Variants in TMEM59 observed in about 807,000 individuals in gnomAD.
TMEM59 encodes the protein dendritic cell factor 1.
A neutral mutation model predicts 42.2 loss-of-function variants in TMEM59; 44 were observed. That is an observed-to-expected ratio of 1.04 (90% CI 0.82 to 1.34). The LOEUF (loss-of-function observed/expected upper bound fraction) is 1.34. Ranked by LOEUF, TMEM59 falls within the 40% of genes most tolerant of loss-of-function variation. TMEM59 has a pLI of 0.00. For missense variants in TMEM59, 359 were observed against 382.8 expected (o/e 0.94, Z 0.52); for synonymous variants, 148 against 145.8 (o/e 1.02, Z -0.11).
At chr1:54,053,391 T>A (rs998787127), upstream of TMEM59, 1 of 617,836 alleles carries the variant, frequency 1.6e-6, no homozygotes, top group East Asian at 2.8e-5. Flanking sequence ...TAGGCTGGCG[T>A]GAGGAGGGGA....
At chr1:54,042,862 CAATA>C (rs1657188016) in intron 4 of TMEM59, among the ~76,000 whole-genome samples, 1 of 152,096 alleles carries the variant, frequency 6.6e-6, no homozygotes, top group South Asian at 2.1e-4. Flanking sequence ...ATATCTAGCA[CAATA>C]TAACCTCCAG....
At chr1:54,046,415 C>T (rs1355927221) in intron 2 of TMEM59, among the ~76,000 whole-genome samples, 3 of 152,092 alleles carry the variant, frequency 2.0e-5, no homozygotes, top group Non-Finnish European at 2.9e-5. Context: ...GGGTCTCTAC[C>T]AGATATACTC....
chr1:54,043,293 TC>T (rs1420485723), intron 4 of TMEM59, 79 bp downstream of exon 4: 12 of 1,205,022 alleles, frequency 1.0e-5, no homozygotes, highest in African/African-American at 1.6e-5. Flanking sequence ...TGAGTATGGT[TC>T]TATGCTGAAA....
Position 54,029,979 on chromosome 1 carries a change from T to C in TMEM59, c.*2171A>G, listed in dbSNP as rs1437248505. 1.3e-5 allele frequency: 2 copies of C among 152,130 alleles called. No homozygotes were observed. Among genetic ancestry groups the C allele is most frequent in the Non-Finnish European group, 2.9e-5 (2 of 68,032 alleles). 9.4% of individuals were successfully genotyped at this position (152,130 alleles called of 1,614,324 possible). A position where few individuals can be genotyped will look rare whatever the true frequency, so the allele number is the denominator to read the frequency against. On this transcript the variant is annotated 3_prime_UTR_variant, in exon 8 of 8. Transcript: ENST00000234831. ...TAAATATCAAGAATGTCTTGGTATT[T>C]TCACATATAAGGAATTCTCTCAACA... is the stretch of plus-strand genomic sequence containing the variant.
chr1:54,032,922 CTCTTT>C (rs1422174366), intron 7 of TMEM59, among the ~76,000 whole-genome samples: 20 of 149,860 alleles, frequency 1.3e-4, no homozygotes, highest in Non-Finnish European at 2.7e-4. Context: ...ATGTCTCTGT[CTCTTT>C]TTTTTTTTTT....
At chr1:54,033,137 T>A (rs1434949707) in intron 7 of TMEM59, 1 of 151,954 alleles carries the variant, frequency 6.6e-6, no homozygotes, top group East Asian at 1.9e-4. Flanking sequence ...TTTCTTTTTT[T>A]TTTTTAAATG....
chr1:54,051,917 C>T (rs924840485), intron 1 of TMEM59, among the ~76,000 whole-genome samples: 1 of 152,108 alleles, frequency 6.6e-6, no homozygotes, highest in Non-Finnish European at 1.5e-5. Flanking sequence ...AGTGCCGGCA[C>T]TTAGAACTTT....
intron 6 of TMEM59, among the ~76,000 whole-genome samples, chr1:54,038,227 C>T (rs1012596319): frequency 6.6e-6 from 1 of 152,154 alleles, no homozygotes; most frequent in Non-Finnish European, 1.5e-5. Context: ...ACCCTATACA[C>T]ATTGAGCAGG....
intron 1 of TMEM59, among the ~76,000 whole-genome samples, chr1:54,051,490 G>C (rs1409696818): frequency 6.6e-6 from 1 of 152,162 alleles, no homozygotes; most frequent in Non-Finnish European, 1.5e-5. Context: ...CCAATTGTTA[G>C]AAAATAGTGG....
chr1:54,051,437 A>T (rs1294821008), intron 1 of TMEM59, among the ~76,000 whole-genome samples: 1 of 152,226 alleles, frequency 6.6e-6, no homozygotes, highest in Non-Finnish European at 1.5e-5. Flanking sequence ...TCTTTGTGAG[A>T]AAAGCTTTAA....
intron 1 of TMEM59, 52 bp downstream of exon 1, chr1:54,052,948 C>G: frequency 1.3e-6 from 2 of 1,561,112 alleles, no homozygotes; most frequent in Middle Eastern, 1.7e-4. Context: ...TGTGGGGAGC[C>G]GAGAAATGGG....
chr1:54,040,714 C>T, intron 6 of TMEM59, 42 bp downstream of exon 6: 1 of 1,459,566 alleles, frequency 6.9e-7, no homozygotes, highest in African/African-American at 1.4e-5. Context: ...TGATACAAGC[C>T]AGATTTTATC....
intron 4 of TMEM59, 137 bp from the exon 5 acceptor site, chr1:54,041,942 A>G (rs904978015): frequency 8.7e-6 from 5 of 572,246 alleles, no homozygotes; most frequent in Non-Finnish European, 1.5e-5. Context: ...AATAAAACAC[A>G]TTAACCACAA....
chr1:54,041,098 T>C (rs1657123400), intron 5 of TMEM59, among the ~76,000 whole-genome samples: 1 of 152,218 alleles, frequency 6.6e-6, no homozygotes, highest in Non-Finnish European at 1.5e-5. Flanking sequence ...TTGGATTTGG[T>C]TTATTCTAAT....
Position 54,030,808 on chromosome 1 carries a change from G to A in TMEM59, c.*1342C>T, listed in dbSNP as rs143849834. 1 of 152,238 alleles carries A rather than the reference G, an allele frequency of 6.6e-6. No homozygotes were observed. The highest frequency in any genetic ancestry group is 2.4e-5 in the African/African-American group (1 of 41,552). The allele number at this position is 152,238 out of a possible 1,614,324, so 9.4% of individuals were successfully genotyped here. On this transcript the variant is annotated 3_prime_UTR_variant, in exon 8 of 8. Coordinates refer to ENST00000234831, the MANE Select transcript of TMEM59 (RefSeq NM_004872.5). ...CTGCTTTTCATTTGGACTCAGGAAG[G>A]CTAAAGACTAGGCCATAGGAGGAGT...
At chr1:54,046,977 T>C (rs892992584) in intron 2 of TMEM59, among the ~76,000 whole-genome samples, 22 of 152,240 alleles carry the variant, frequency 1.4e-4, no homozygotes, top group African/African-American at 5.3e-4. Flanking sequence ...AAGGTAGTAA[T>C]GAATTGTGAG....
chr1:54,034,358 A>G (rs982998625), intron 7 of TMEM59: 2 of 152,176 alleles, frequency 1.3e-5, no homozygotes, highest in Admixed American at 6.5e-5. Context: ...AGTGATTGTC[A>G]CGATAGTTGC....
Position 54,043,363 on chromosome 1 carries a change from C to A in TMEM59, c.543+10G>T. 6.6e-7 allele frequency: 1 copy of A among 1,525,700 alleles called. No individual in the cohort carries two copies. Among genetic ancestry groups the A allele is most frequent in the South Asian group, 1.3e-5 (1 of 75,582 alleles). 94.5% of individuals were successfully genotyped at this position (1,525,700 alleles called of 1,614,324 possible). On this transcript the variant is annotated intron_variant, in intron 4 of 7. Coordinates refer to ENST00000234831, the MANE Select transcript of TMEM59 (RefSeq NM_004872.5). ...AGTATTTAGATGAATCCATGAAGCT[C>A]AGTTGTCACCTGGAATATAACTATT...
chr1:54,053,370 ACTT>A (rs1319489102), upstream of TMEM59: 34 of 667,782 alleles, frequency 5.1e-5, no homozygotes, highest in African/African-American at 1.3e-4. Context: ...GGGACTACGA[ACTT>A]CTTCTCCTAG....
Sources: allele counts gnomAD v4.1 joint callset (sites outside exome capture counted in the v4.1 genomes callset), GRCh38; gene constraint gnomAD v4.1.1; transcripts MANE v1.5; gene names NCBI Gene and HGNC (gene_info 2026-07-23, HGNC 2026-07-21).